CDH18: variants seen among roughly 807,000 people sequenced by gnomAD.
The protein encoded by CDH18 is cadherin 18.
CDH18 carries 31 observed loss-of-function variants against 67.9 expected under a neutral mutation model. The ratio of observed to expected loss-of-function variants is 0.46; its 90% confidence interval spans 0.34 to 0.62. The LOEUF (loss-of-function observed/expected upper bound fraction) is 0.62, where lower values mean the gene tolerates loss of function less well. Ranked by LOEUF, CDH18 falls within the 20% of genes least tolerant of loss-of-function variation. The probability of loss-of-function intolerance (pLI) is 0.01; values close to 1 mark genes in which losing one functional copy is unlikely to be tolerated. For missense variants in CDH18, 890 were observed against 975.5 expected (o/e 0.91, Z 1.17); for synonymous variants, 362 against 347.2 (o/e 1.04, Z -0.48).
At chr5:20,205,749 T>A (rs1295868720) in intron 2 of CDH18, among the ~76,000 whole-genome samples, 3 of 151,826 alleles carry the variant, frequency 2.0e-5, no homozygotes, top group African/African-American at 7.2e-5. Context: ...TTAAACAACA[T>A]GCTCCTGAAT....
At chr5:19,524,533 C>G (rs1191555478) in intron 9 of CDH18, among the ~76,000 whole-genome samples, 1 of 151,802 alleles carries the variant, frequency 6.6e-6, no homozygotes, top group Non-Finnish European at 1.5e-5. Flanking sequence ...AATGATTTAT[C>G]TCAGCAAAGG....
At chr5:20,384,312 T>G (rs1744139211) in intron 1 of CDH18, among the ~76,000 whole-genome samples, 1 of 152,286 alleles carries the variant, frequency 6.6e-6, no homozygotes, top group Middle Eastern at 3.4e-3. Flanking sequence ...TTTTGACAAT[T>G]TAGATATCAC....
intron 7 of CDH18, among the ~76,000 whole-genome samples, chr5:19,576,310 T>A (rs1742304933): frequency 6.6e-6 from 1 of 151,880 alleles, no homozygotes; most frequent in Admixed American, 6.6e-5. Flanking sequence ...GAAGAGATAA[T>A]ACATGATTTG....
At chr5:20,536,699 A>C (rs2126572413) in intron 1 of CDH18, among the ~76,000 whole-genome samples, 1 of 152,296 alleles carries the variant, frequency 6.6e-6, no homozygotes, top group South Asian at 2.1e-4. Context: ...TAGAGAAAAT[A>C]GACAGCACAG....
intron 11 of CDH18, among the ~76,000 whole-genome samples, chr5:19,496,756 G>A (rs1393585129): frequency 6.9e-6 from 1 of 144,774 alleles, no homozygotes; most frequent in African/African-American, 2.6e-5. Flanking sequence ...AGGTTTCAGT[G>A]AGCTGAGATT....
intron 5 of CDH18, among the ~76,000 whole-genome samples, chr5:19,653,931 C>T (rs1205592600): frequency 6.6e-6 from 1 of 152,158 alleles, no homozygotes; most frequent in East Asian, 1.9e-4. Flanking sequence ...ATAAGGCCCT[C>T]TTTATCACAT....
At chr5:19,534,925 G>C (rs1403660297) in intron 9 of CDH18, among the ~76,000 whole-genome samples, 3 of 152,104 alleles carry the variant, frequency 2.0e-5, no homozygotes, top group African/African-American at 7.2e-5. Context: ...TCCTATGAAG[G>C]AGTCCATGAT....
intron 2 of CDH18, among the ~76,000 whole-genome samples, chr5:19,841,351 A>T (rs1284364739): frequency 6.6e-6 from 1 of 152,172 alleles, no homozygotes; most frequent in Non-Finnish European, 1.5e-5. Context: ...TTGGAAAGAG[A>T]GTCAGAAATC....
chr5:20,050,077 TA>T (rs149119181), intron 2 of CDH18, among the ~76,000 whole-genome samples: 5,044 of 151,610 alleles, frequency 0.033, 268 homozygotes, highest in East Asian at 0.27. Context: ...AGTTGGTTAA[TA>T]AAAAAAAGTG....
intron 2 of CDH18, among the ~76,000 whole-genome samples, chr5:19,973,562 G>A (rs1370623144): frequency 6.6e-6 from 1 of 152,116 alleles, no homozygotes; most frequent in African/African-American, 2.4e-5. Context: ...AAAGGAATAA[G>A]CTAATAAACA....
At chr5:20,167,828 G>C (rs75679214) in intron 2 of CDH18, among the ~76,000 whole-genome samples, 3,701 of 152,236 alleles carry the variant, frequency 0.024, 60 homozygotes, top group Non-Finnish European at 0.035. Context: ...AAAACACTTG[G>C]ACCTCAATCT....
intron 2 of CDH18, among the ~76,000 whole-genome samples, chr5:20,033,723 T>C (rs746062700): frequency 2.6e-5 from 4 of 152,052 alleles, no homozygotes; most frequent in Non-Finnish European, 5.9e-5. Context: ...ACAATATGCA[T>C]AAGCACTTTT....
intron 3 of CDH18, among the ~76,000 whole-genome samples, chr5:19,764,706 T>C (rs903885061): frequency 2.0e-5 from 3 of 151,850 alleles, no homozygotes; most frequent in Non-Finnish European, 4.4e-5. Context: ...TGTGTGTGTG[T>C]ATATAGTTAT....
At chr5:19,585,871 T>C (rs1000452481) in intron 7 of CDH18, among the ~76,000 whole-genome samples, 1 of 152,188 alleles carries the variant, frequency 6.6e-6, no homozygotes, top group Non-Finnish European at 1.5e-5. Context: ...TAGCAAAGAA[T>C]AATCACATAT....
chr5:20,060,902 A>G (rs1424557956), intron 2 of CDH18, among the ~76,000 whole-genome samples: 1 of 152,064 alleles, frequency 6.6e-6, no homozygotes, highest in Non-Finnish European at 1.5e-5. Flanking sequence ...GATTGACACA[A>G]ATGATATTTT....
chr5:20,162,469 C>T (rs34160916), intron 2 of CDH18, among the ~76,000 whole-genome samples: 42,332 of 143,850 alleles, frequency 0.29, 7,098 homozygotes, highest in Non-Finnish European at 0.37. Flanking sequence ...TACATATGGA[C>T]GATATATGGT....
chr5:19,819,747 C>T (rs1431292492), intron 3 of CDH18, among the ~76,000 whole-genome samples: 2 of 152,144 alleles, frequency 1.3e-5, no homozygotes, highest in Non-Finnish European at 2.9e-5. Flanking sequence ...GTGTCCATCC[C>T]CCAAGGCTCT....
At chr5:19,592,795 A>G (rs1745383843) in intron 6 of CDH18, among the ~76,000 whole-genome samples, 1 of 152,092 alleles carries the variant, frequency 6.6e-6, no homozygotes, top group Non-Finnish European at 1.5e-5. Context: ...CATAATGACA[A>G]TTTTATATTT....
chr5:19,488,208 T>C (rs1162872414), intron 11 of CDH18, among the ~76,000 whole-genome samples: 1 of 152,166 alleles, frequency 6.6e-6, no homozygotes, highest in African/African-American at 2.4e-5. Context: ...AAATAGGTTT[T>C]GGGGCAAAAA....
Sources: gnomAD v4.1 joint callset for allele counts (sites outside exome capture counted in the v4.1 genomes callset) on GRCh38, gnomAD v4.1.1 for gene constraint, MANE v1.5 for transcripts, NCBI Gene and HGNC (gene_info 2026-07-23, HGNC 2026-07-21) for gene names.